The following SH3PXD2B variants were observed in gnomAD, a reference collection of about 807,000 sequenced individuals.
The protein encoded by SH3PXD2B is SH3 and PX domains 2B.
In SH3PXD2B, 37 loss-of-function variants were observed where a neutral mutation model predicts 73.1. That is an observed-to-expected ratio of 0.51 (90% CI 0.39 to 0.67). The LOEUF (loss-of-function observed/expected upper bound fraction) is 0.67. Ranked by LOEUF, SH3PXD2B falls within the 30% of genes least tolerant of loss-of-function variation. The probability of loss-of-function intolerance (pLI) is 0.00; values close to 1 mark genes in which losing one functional copy is unlikely to be tolerated. For missense variants in SH3PXD2B, 1,053 were observed against 1,197.8 expected, an observed-to-expected ratio of 0.88 and a Z score of 1.78; for synonymous variants, 457 against 480.5, an observed-to-expected ratio of 0.95 and a Z score of 0.64.
chr5:172,433,562 C>A (rs894088173), intron 1 of SH3PXD2B, among the ~76,000 whole-genome samples: 1 of 152,206 alleles, frequency 6.6e-6, no homozygotes, highest in African/African-American at 2.4e-5. Context: ...TTCTCCGTTA[C>A]CCTGGCTCAG....
rs1248173434 is a variant in SH3PXD2B at position 172,336,303 on chromosome 5, CCTCCT to C, written c.*2061_*2065del. 2 of 985,564 alleles carry C rather than the reference CCTCCT, an allele frequency of 2.0e-6. No individual in the cohort carries two copies. The highest frequency in any genetic ancestry group is 2.4e-6 in the Non-Finnish European group (2 of 829,964). 61.1% of individuals were successfully genotyped at this position (985,564 alleles called of 1,614,324 possible). A position where few individuals can be genotyped will look rare whatever the true frequency, so the allele number is the denominator to read the frequency against. On this transcript the variant is annotated 3_prime_UTR_variant, in exon 13 of 13. Coordinates refer to ENST00000311601, the MANE Select transcript of SH3PXD2B (RefSeq NM_001017995.3). ...AGAACTCAGGAAAACTGCCATGGGG[CCTCCT>C]CTCAAGGGAGGGGACCCTCAAGCGG...
At position 172,350,408 on chromosome 5, in the gene SH3PXD2B, C is replaced by G; in HGVS notation, c.967G>C (p.Gly323Arg). The G allele has an allele frequency of 1.2e-6, 2 of 1,613,966 alleles. No individual in the cohort carries two copies. The highest frequency in any genetic ancestry group is 8.5e-7 in the Non-Finnish European group (1 of 1,180,024). The change falls in exon 10 of 13, where the codon GGG becomes CGG. Residue 323 changes from glycine to arginine, a missense_variant. Physicochemically the swap from Gly to Arg is moderately radical, Grantham distance 125. Transcript: ENST00000311601. ...GGCACCGGGCGGCCTTCAAACCGCCCGTCCCTCTGGCTGCTGAGCAGCTCC... is the reference window on the plus strand; with the variant it reads ...GGCACCGGGCGGCCTTCAAACCGCCGGTCCCTCTGGCTGCTGAGCAGCTCC... ...EKELLSSQRD[G>R]RFEGRPVPDG...
In SH3PXD2B at chr5:172,338,896, C is replaced by A. The variant is rs1318164349; in HGVS notation, c.2209G>T (p.Asp737Tyr). The change falls in exon 13 of 13, where the codon GAT (aspartate) becomes TAT (tyrosine). Residue 737 changes from aspartate (D) to tyrosine (Y), a missense_variant. Around this residue, in one of 2 missense-constraint regions of SH3PXD2B, gnomAD observed 587 missense variants for 590.7 expected, o/e 0.99. Coordinates refer to ENST00000311601, the MANE Select transcript of SH3PXD2B (RefSeq NM_001017995.3). This position sits in a 1 kb window ranked among gnomAD's most constrained non-coding sequence, Gnocchi z 5.1. ...ACAGGCACGCTCTTAGACACAGGAT[C>A]TGTGGTCTTGGCTGGCCTCGGAGGG... Reference protein sequence around the residue: ...RAPPRPAKTTDPVSKSVPVPL... With the variant: ...RAPPRPAKTTYPVSKSVPVPL... 1.2e-6 allele frequency: 2 copies of A among 1,613,810 alleles called. No individual in the cohort carries two copies. The highest frequency in any genetic ancestry group is 1.7e-6 in the Non-Finnish European group (2 of 1,179,810).
intron 2 of SH3PXD2B, among the ~76,000 whole-genome samples, chr5:172,409,687 T>C (rs956593420): frequency 6.6e-6 from 1 of 152,200 alleles, no homozygotes; most frequent in African/African-American, 2.4e-5. Context: ...CAATTGTGTA[T>C]GCATACCACA....
chr5:172,336,416 G>T lies in SH3PXD2B; in HGVS notation c.*1953C>A, dbSNP rs567039161. ...GGGCACAGGGCCAAGTGGCAAGTGGGCCCTGCCCAAGCCTCTCTGGGAAAT... is the reference window on the plus strand; with the variant it reads ...GGGCACAGGGCCAAGTGGCAAGTGGTCCCTGCCCAAGCCTCTCTGGGAAAT... On this transcript the variant is annotated 3_prime_UTR_variant, in exon 13 of 13. Coordinates refer to ENST00000311601, the MANE Select transcript of SH3PXD2B (RefSeq NM_001017995.3). 1.0e-5 allele frequency: 10 copies of T among 985,818 alleles called. No individual in the cohort carries two copies. The highest frequency in any genetic ancestry group is 1.2e-5 in the Non-Finnish European group (10 of 830,012). 61.1% of individuals were successfully genotyped at this position (985,818 alleles called of 1,614,324 possible).
chr5:172,333,532 T>G lies in SH3PXD2B; in HGVS notation c.*4837A>C. The G allele has an allele frequency of 8.8e-7, 1 of 1,131,114 alleles. No homozygotes were observed. Among genetic ancestry groups the G allele is most frequent in the Non-Finnish European group, 1.1e-6 (1 of 921,536 alleles). 70.1% of individuals were successfully genotyped at this position (1,131,114 alleles called of 1,614,324 possible). A position where few individuals can be genotyped will look rare whatever the true frequency, so the allele number is the denominator to read the frequency against. On this transcript the variant is annotated 3_prime_UTR_variant, in exon 13 of 13. Transcript: ENST00000311601. ...GAAGCTTGAAACCAGTCAAGCACTT[T>G]TTTTATTTAAAAAAAAAAAAAGGAA...
At chr5:172,412,145 C>A (rs1209475851) in intron 2 of SH3PXD2B, among the ~76,000 whole-genome samples, 2 of 152,174 alleles carry the variant, frequency 1.3e-5, no homozygotes, top group African/African-American at 2.4e-5. Context: ...GCAGAATTTC[C>A]TTCTTTTTTA....
chr5:172,420,337 T>A (rs1012785696), intron 2 of SH3PXD2B, among the ~76,000 whole-genome samples: 1 of 152,344 alleles, frequency 6.6e-6, no homozygotes, highest in Admixed American at 6.5e-5. Flanking sequence ...AGGTAACTGG[T>A]GTCTCACTTG....
At chr5:172,451,306 C>T (rs563627550) in intron 1 of SH3PXD2B, among the ~76,000 whole-genome samples, 3 of 152,184 alleles carry the variant, frequency 2.0e-5, no homozygotes, top group South Asian at 2.1e-4. Context: ...AATTAGGGGG[C>T]GTAGTGAAGA....
rs1187200273 is a variant in SH3PXD2B at position 172,368,574 on chromosome 5, T to TTA, written c.427+5214_427+5215dup. ...ATATATTATATATATATAAAATATG[T>TTA]TATATATATATATAAAATATGTTAT... On this transcript the variant is annotated intron_variant, in intron 6 of 12. Coordinates refer to ENST00000311601, the MANE Select transcript of SH3PXD2B (RefSeq NM_001017995.3). Among the ~76,000 whole-genome samples, 2 of 16,130 alleles carry TTA rather than the reference T, an allele frequency of 1.2e-4. 1 individual carries two copies. The highest frequency in any genetic ancestry group is 1.7e-4 in the Non-Finnish European group (2 of 11,936). 10.6% of individuals were successfully genotyped at this position (16,130 alleles called of 152,430 possible). A position where few individuals can be genotyped will look rare whatever the true frequency, so the allele number is the denominator to read the frequency against.
In SH3PXD2B at chr5:172,454,454, G is replaced by A. The variant is rs1420552161; in HGVS notation, c.-102C>T. 1.6e-5 allele frequency: 10 copies of A among 620,890 alleles called. No individual in the cohort carries two copies. Among genetic ancestry groups the A allele is most frequent in the Middle Eastern group, 5.8e-4 (1 of 1,738 alleles). The allele number at this position is 620,890 out of a possible 1,614,324, so 38.5% of individuals were successfully genotyped here. On this transcript the variant is annotated 5_prime_UTR_variant, in exon 1 of 13. Coordinates refer to ENST00000311601, the MANE Select transcript of SH3PXD2B (RefSeq NM_001017995.3). ...CCGCGGGCAGGGAACCTGGAGCTGA[G>A]CGCAATCGCAGCCGGGGCCGAGCAC...
Position 172,339,251 on chromosome 5 carries a change from G to C in SH3PXD2B, c.1854C>G (p.Ser618=). The part of the protein sequence containing the change: ...KKPNLRPISK[S]KTDLPEEKPD... ...GCTTCTCCTCTGGCAGGTCAGTTTT[G>C]GATTTGGAGATGGGCCGGAGGTTGG... is the stretch of plus-strand genomic sequence containing the variant. Residue 618 remains serine, a synonymous_variant, in exon 13 of 13, where the codon TCC becomes TCG. Coordinates refer to ENST00000311601, the MANE Select transcript of SH3PXD2B (RefSeq NM_001017995.3). The surrounding 1 kb of genome is among the most constrained non-coding windows in gnomAD (Gnocchi z 6.1). 1 of 1,614,220 alleles carries C rather than the reference G, an allele frequency of 6.2e-7. No homozygotes were observed.
At chr5:172,351,596 T>C (rs904520123) in intron 9 of SH3PXD2B, among the ~76,000 whole-genome samples, 3 of 152,182 alleles carry the variant, frequency 2.0e-5, no homozygotes, top group African/African-American at 7.2e-5. Flanking sequence ...ATTTGCACCA[T>C]GGCAACTGGC....
downstream of SH3PXD2B, among the ~76,000 whole-genome samples, chr5:172,332,256 C>CTTTTTT (rs57471345): frequency 1.3e-4 from 18 of 143,026 alleles, 1 homozygote; most frequent in African/African-American, 2.8e-4. Flanking sequence ...TTTTTCCTTC[C>CTTTTTT]TTTTTTTTTT....
At chr5:172,330,397 G>A (rs1756532653), downstream of SH3PXD2B, among the ~76,000 whole-genome samples, 1 of 152,172 alleles carries the variant, frequency 6.6e-6, no homozygotes, top group South Asian at 2.1e-4. Context: ...ATGCAAGGCA[G>A]AGCTGAAATT....
In SH3PXD2B at chr5:172,421,927, T is replaced by G. The variant is rs1052299941; in HGVS notation, c.156+489A>C. 1.3e-5 allele frequency among the ~76,000 whole-genome samples: 2 copies of G among 152,198 alleles called. No individual in the cohort carries two copies. The highest frequency in any genetic ancestry group is 4.8e-5 in the African/African-American group (2 of 41,456). On this transcript the variant is annotated intron_variant, in intron 2 of 12. Coordinates refer to ENST00000311601, the MANE Select transcript of SH3PXD2B (RefSeq NM_001017995.3). This position sits in a 1 kb window ranked among gnomAD's most constrained non-coding sequence, Gnocchi z 4.0. ...CAGTTAACAGGCACCCTTTCTCTTA[T>G]GGAGGAAATATGAAATATCAAAGCA...
chr5:172,349,062 C>T (rs1757094343), intron 10 of SH3PXD2B, among the ~76,000 whole-genome samples: 1 of 152,120 alleles, frequency 6.6e-6, no homozygotes, highest in African/African-American at 2.4e-5. Flanking sequence ...TTCATTTGCT[C>T]CTCTAGAGTT....
At chr5:172,381,965 T>A in intron 5 of SH3PXD2B, 71 bp downstream of exon 5, 1 of 1,255,510 alleles carries the variant, frequency 8.0e-7, no homozygotes, top group Non-Finnish European at 1.1e-6. Flanking sequence ...TTTGCTTTAC[T>A]TGGGGGTGGC....
intron 3 of SH3PXD2B, 71 bp downstream of exon 3, chr5:172,406,206 C>G (rs945983713): frequency 6.6e-7 from 1 of 1,506,146 alleles, no homozygotes; most frequent in Non-Finnish European, 9.2e-7. Context: ...AGCTGATAAA[C>G]TGTCCCAAGG....
Sources: gnomAD v4.1 joint callset for allele counts (sites outside exome capture counted in the v4.1 genomes callset) on GRCh38, gnomAD v4.1.1 for gene constraint, gnomAD v4.1.1 regional missense constraint, Gnocchi (gnomAD v3.1) non-coding constraint, MANE v1.5 for transcripts, NCBI Gene and HGNC (gene_info 2026-07-23, HGNC 2026-07-21) for gene names.